YAP1: variants seen among roughly 807,000 people sequenced by gnomAD.
The protein encoded by YAP1 is transcriptional coactivator YAP1.
A neutral mutation model predicts 56.9 loss-of-function variants in YAP1; 5 were observed. The observed-to-expected ratio is 0.09, with a 90% CI of 0.05 to 0.18. The LOEUF is 0.18. Among genes scored for constraint, YAP1 ranks in the 10% least tolerant of loss-of-function variants. The probability of loss-of-function intolerance (pLI) is 1.00; values close to 1 mark genes in which losing one functional copy is unlikely to be tolerated. For missense variants in YAP1, 539 were observed against 651.8 expected, an observed-to-expected ratio of 0.83 and a Z score of 1.88; for synonymous variants, 265 against 248.1, an observed-to-expected ratio of 1.07 and a Z score of -0.64.
chr11:102,194,934 G>GT (rs1029852350), intron 4 of YAP1, among the ~76,000 whole-genome samples: 7 of 151,850 alleles, frequency 4.6e-5, no homozygotes, highest in Admixed American at 3.9e-4. Context: ...TTAATTTTTA[G>GT]TTTTTTAGAG....
chr11:102,190,966 G>C (rs182045374), intron 4 of YAP1, among the ~76,000 whole-genome samples: 1 of 152,042 alleles, frequency 6.6e-6, no homozygotes, highest in Admixed American at 6.6e-5. Context: ...CATGAGGTTA[G>C]AGATCAAGAC....
At position 102,223,713 on chromosome 11, in the gene YAP1, G is replaced by T; in HGVS notation, c.1124G>T (p.Arg375Ile). The T allele has an allele frequency of 6.2e-7, 1 of 1,614,124 alleles. No homozygotes were observed. The highest frequency in any genetic ancestry group is 8.5e-7 in the Non-Finnish European group (1 of 1,180,012). ...TCTCCCGGGATGTCTCAGGAATTGA[G>T]AACAATGACGACCAATAGCTCAGAT... ...VSSPGMSQELRTMTTNSSDPF... is the reference protein window; with the variant it reads ...VSSPGMSQELITMTTNSSDPF... Residue 375 changes from arginine (R) to isoleucine (I), a missense_variant, in exon 7 of 9, where the codon AGA (arginine) becomes ATA (isoleucine). Arg to Ile is a moderately conservative substitution (Grantham distance 97). Coordinates refer to ENST00000282441, the MANE Select transcript of YAP1 (RefSeq NM_001130145.3).
intron 2 of YAP1, among the ~76,000 whole-genome samples, chr11:102,156,268 G>A (rs1192386516): frequency 6.6e-6 from 1 of 151,942 alleles, no homozygotes; most frequent in Non-Finnish European, 1.5e-5. Context: ...GGCTCTTTTG[G>A]GTAAATAAAT....
intron 2 of YAP1, among the ~76,000 whole-genome samples, chr11:102,125,210 C>T (rs1273350295): frequency 1.3e-5 from 2 of 151,716 alleles, no homozygotes; most frequent in African/African-American, 4.8e-5. Flanking sequence ...TTTGTAGAGA[C>T]AGGGTTTTAC....
At chr11:102,188,598 A>G (rs933296745) in intron 4 of YAP1, among the ~76,000 whole-genome samples, 3 of 152,346 alleles carry the variant, frequency 2.0e-5, no homozygotes, top group Non-Finnish European at 4.4e-5. Context: ...TAGATACACA[A>G]ATACTACCCG....
intron 2 of YAP1, among the ~76,000 whole-genome samples, chr11:102,160,100 C>T (rs112024906): frequency 3.6e-5 from 5 of 137,208 alleles, no homozygotes; most frequent in Admixed American, 2.5e-4. Context: ...CTTGGCTCAT[C>T]GCAACCTCTG....
At chr11:102,182,925 A>G (rs976561444) in intron 3 of YAP1, among the ~76,000 whole-genome samples, 1 of 152,240 alleles carries the variant, frequency 6.6e-6, no homozygotes, top group Non-Finnish European at 1.5e-5. Flanking sequence ...TATAGGTTCT[A>G]CATGATTTTA....
chr11:102,170,380 G>A (rs1946834987), intron 3 of YAP1, among the ~76,000 whole-genome samples: 1 of 152,092 alleles, frequency 6.6e-6, no homozygotes, highest in Admixed American at 6.6e-5. Context: ...TTCAGTTTGA[G>A]TATCATGATT....
At chr11:102,168,636 T>G (rs1276767214) in intron 3 of YAP1, among the ~76,000 whole-genome samples, 2 of 152,186 alleles carry the variant, frequency 1.3e-5, no homozygotes, top group African/African-American at 4.8e-5. Context: ...CTCTTGATCA[T>G]GAAAGGTGAT....
intron 6 of YAP1, among the ~76,000 whole-genome samples, chr11:102,217,118 T>C (rs1949706772): frequency 1.3e-5 from 2 of 152,352 alleles, no homozygotes; most frequent in South Asian, 2.1e-4. Flanking sequence ...TGGACTTTTA[T>C]GGAACCAAGA....
intron 3 of YAP1, among the ~76,000 whole-genome samples, chr11:102,165,849 G>C (rs1022053718): frequency 6.6e-6 from 1 of 152,152 alleles, no homozygotes; most frequent in Non-Finnish European, 1.5e-5. Flanking sequence ...CGAACGTCCT[G>C]GAGGCGCTAT....
Position 102,175,444 on chromosome 11 carries a change from C to T in YAP1, c.689-10574C>T, listed in dbSNP as rs573688154. Among the ~76,000 whole-genome samples, 6 of 152,118 alleles carry T rather than the reference C, an allele frequency of 3.9e-5. No homozygotes were observed. The East Asian group carries it at 1.2e-3, about 29-fold the overall frequency. ...TTACCAAAACTTGATGTATAGACTG[C>T]CTTTTCTTCAGTAAATGTTTATTTT... On this transcript the variant is annotated intron_variant, in intron 3 of 8. Coordinates refer to ENST00000282441, the MANE Select transcript of YAP1 (RefSeq NM_001130145.3).
intron 3 of YAP1, among the ~76,000 whole-genome samples, chr11:102,162,834 T>A (rs1220777106): frequency 6.6e-6 from 1 of 152,208 alleles, no homozygotes; most frequent in Non-Finnish European, 1.5e-5. Context: ...TATCTCAAAT[T>A]TGTAGTTCTG....
chr11:102,196,793 A>G (rs1253384154), intron 4 of YAP1, among the ~76,000 whole-genome samples: 1 of 152,160 alleles, frequency 6.6e-6, no homozygotes, highest in Non-Finnish European at 1.5e-5. Context: ...ATTTAGGTAT[A>G]TAGTGTATTG....
At chr11:102,193,843 G>GTT (rs1217589631) in intron 4 of YAP1, among the ~76,000 whole-genome samples, 143 of 143,306 alleles carry the variant, frequency 1.0e-3, no homozygotes, top group African/African-American at 3.2e-3. Flanking sequence ...TTTGATTTTT[G>GTT]TTTTTTTTTT....
At chr11:102,227,430 A>C in intron 7 of YAP1, 39 bp from the exon 8 acceptor site, 1 of 1,465,014 alleles carries the variant, frequency 6.8e-7, no homozygotes, top group Non-Finnish European at 9.5e-7. Flanking sequence ...TGATTTTTAA[A>C]ATTTTTTGTG....
At chr11:102,168,198 G>A (rs1366764941) in intron 3 of YAP1, among the ~76,000 whole-genome samples, 12 of 152,178 alleles carry the variant, frequency 7.9e-5, no homozygotes, top group Non-Finnish European at 2.9e-5. Context: ...GGAGTGAAAA[G>A]TGATACTTCC....
At chr11:102,227,325 G>A (rs1490889266) in intron 7 of YAP1, 144 bp from the exon 8 acceptor site, 2 of 627,358 alleles carry the variant, frequency 3.2e-6, no homozygotes, top group Non-Finnish European at 5.7e-6. Context: ...CCCTGAGGGA[G>A]GGTGCTTGTT....
At chr11:102,129,055 A>G (rs1475709022) in intron 2 of YAP1, among the ~76,000 whole-genome samples, 1 of 151,984 alleles carries the variant, frequency 6.6e-6, no homozygotes, top group African/African-American at 2.4e-5. Context: ...TGGTAGGAAA[A>G]ATGTTTATAT....
Sources: allele counts gnomAD v4.1 joint callset (sites outside exome capture counted in the v4.1 genomes callset), GRCh38; gene constraint gnomAD v4.1.1; transcripts MANE v1.5; gene names NCBI Gene and HGNC (gene_info 2026-07-23, HGNC 2026-07-21).